The following TTLL5 variants were observed in gnomAD, a reference collection of about 807,000 sequenced individuals.
TTLL5 encodes the protein tubulin tyrosine ligase like 5.
In TTLL5, 132 loss-of-function variants were observed where a neutral mutation model predicts 168.4. The ratio of observed to expected loss-of-function variants is 0.78; its 90% CI spans 0.68 to 0.91. The LOEUF (loss-of-function observed/expected upper bound fraction) is 0.91, where lower values mean the gene tolerates loss of function less well. TTLL5 is among the 40% of genes least tolerant of loss of function. TTLL5 has a pLI of 0.00. For synonymous variants in TTLL5, 546 were observed against 558.6 expected (o/e 0.98, Z 0.32); for missense variants, 1,545 against 1,581.5 (o/e 0.98, Z 0.39).
intron 28 of TTLL5, among the ~76,000 whole-genome samples, chr14:75,826,746 T>G (rs990719425): frequency 1.3e-5 from 2 of 152,212 alleles, no homozygotes; most frequent in African/African-American, 2.4e-5. Context: ...TTCTGTCCCT[T>G]CAAGTTAACT....
chr14:75,851,664 C>T (rs771042349), intron 28 of TTLL5, among the ~76,000 whole-genome samples: 7 of 152,164 alleles, frequency 4.6e-5, no homozygotes, highest in African/African-American at 1.7e-4. Flanking sequence ...CAGGGGCCAC[C>T]GTGCAGCCGC....
intron 7 of TTLL5, among the ~76,000 whole-genome samples, chr14:75,704,347 T>G (rs1408856301): frequency 2.0e-4 from 31 of 152,168 alleles, no homozygotes. Flanking sequence ...GAGACCAGCC[T>G]GGGCAACATG....
intron 3 of TTLL5, among the ~76,000 whole-genome samples, chr14:75,675,462 C>T (rs965908646): frequency 4.6e-5 from 7 of 152,088 alleles, no homozygotes; most frequent in African/African-American, 1.7e-4. Flanking sequence ...TGCTAGGGGT[C>T]CTAGCACTTC....
Position 75,783,334 on chromosome 14 carries a change from C to A in TTLL5, c.2790C>A (p.His930Gln). 1 of 1,614,172 alleles carries A rather than the reference C, an allele frequency of 6.2e-7. No individual in the cohort carries two copies. The highest frequency in any genetic ancestry group is 8.5e-7 in the Non-Finnish European group (1 of 1,180,024). ...QIPSAIPSMPHQPTILLNTVS... is the reference protein window; with the variant it reads ...QIPSAIPSMPQQPTILLNTVS... ...CTTCAGCTATCCCCAGCATGCCTCACCAGCCAACAATTTTACTGAACACAG... is the reference window on the plus strand; with the variant it reads ...CTTCAGCTATCCCCAGCATGCCTCAACAGCCAACAATTTTACTGAACACAG... The change falls in exon 26 of 32, where the codon CAC becomes CAA. Residue 930 changes from histidine (H) to glutamine (Q), a missense_variant. Transcript: ENST00000298832.
intron 28 of TTLL5, among the ~76,000 whole-genome samples, chr14:75,851,664 C>G (rs771042349): frequency 3.3e-5 from 5 of 152,164 alleles, no homozygotes; most frequent in Non-Finnish European, 1.5e-5. Context: ...CAGGGGCCAC[C>G]GTGCAGCCGC....
At chr14:75,744,842 T>A (rs1212093373) in intron 15 of TTLL5, 6 of 263,600 alleles carry the variant, frequency 2.3e-5, no homozygotes, top group Non-Finnish European at 3.7e-5. Flanking sequence ...GACCTCATTC[T>A]TTCTTTCTTC....
At chr14:75,746,358 C>A (rs1360525455) in intron 17 of TTLL5, among the ~76,000 whole-genome samples, 1 of 152,150 alleles carries the variant, frequency 6.6e-6, no homozygotes, top group Admixed American at 6.5e-5. Context: ...CAGTTATGGT[C>A]TCTTTTGAAG....
chr14:75,887,681 C>T (rs1595210990), intron 30 of TTLL5, among the ~76,000 whole-genome samples: 1 of 152,334 alleles, frequency 6.6e-6, no homozygotes, highest in East Asian at 1.9e-4. Flanking sequence ...CTTCCCCCTA[C>T]ATCACTGATT....
At chr14:75,719,666 TG>T in intron 10 of TTLL5, 68 bp from the exon 11 acceptor site, 1 of 1,350,024 alleles carries the variant, frequency 7.4e-7, no homozygotes, top group Non-Finnish European at 9.9e-7. Flanking sequence ...GAAGGCTATT[TG>T]CAAAGAGTCT....
At chr14:75,812,144 C>T (rs937459328) in intron 27 of TTLL5, among the ~76,000 whole-genome samples, 10 of 152,098 alleles carry the variant, frequency 6.6e-5, no homozygotes, top group African/African-American at 1.4e-4. Flanking sequence ...CTGAGGTCAC[C>T]GTGGCAATGG....
intron 31 of TTLL5, among the ~76,000 whole-genome samples, chr14:75,933,598 A>G (rs751489552): frequency 2.0e-5 from 3 of 152,198 alleles, no homozygotes; most frequent in Non-Finnish European, 4.4e-5. Flanking sequence ...CATTGGAAGG[A>G]TAAACTGGTG....
At chr14:75,791,725 A>C (rs1892740695) in intron 26 of TTLL5, among the ~76,000 whole-genome samples, 1 of 152,176 alleles carries the variant, frequency 6.6e-6, no homozygotes. Flanking sequence ...TATGTACTAA[A>C]TAATATAGTA....
At chr14:75,782,276 C>G (rs1892105943) in intron 24 of TTLL5, among the ~76,000 whole-genome samples, 1 of 152,034 alleles carries the variant, frequency 6.6e-6, no homozygotes, top group African/African-American at 2.4e-5. Context: ...TTAACTGTAG[C>G]TGGGATTGGG....
rs1885354185 is a variant in TTLL5, at chr14:75,690,252, A to G, written c.432A>G (p.Thr144=). ...AAAACATTATTCGAATGCAGCATAC[A>G]CATGGATTCAAGGCTTTTCACATCC... ...LYKNIIRMQH[T]HGFKAFHILP... The change falls in exon 6 of 32, where the codon ACA becomes ACG. Residue 144 remains threonine, a synonymous_variant. Coordinates refer to ENST00000298832, the MANE Select transcript of TTLL5 (RefSeq NM_015072.5). 6.2e-7 allele frequency: 1 copy of G among 1,612,698 alleles called. No homozygotes were observed. Among genetic ancestry groups the G allele is most frequent in the Non-Finnish European group, 8.5e-7 (1 of 1,179,396 alleles).
At chr14:75,850,624 A>G (rs1422527918) in intron 28 of TTLL5, among the ~76,000 whole-genome samples, 3 of 152,108 alleles carry the variant, frequency 2.0e-5, no homozygotes, top group Non-Finnish European at 4.4e-5. Flanking sequence ...GATAACATGA[A>G]GTAGGAATTC....
rs1883924921 is a variant in TTLL5 at position 75,673,728 on chromosome 14, TTG to T, written c.181+4208_181+4209del. ...GATCTACTCTACTTGTAAATGACTT[TTG>T]TCTTGTCCCTTAATAAGTCAGGAGT... On this transcript the variant is annotated intron_variant, in intron 3 of 31. Coordinates refer to ENST00000298832, the MANE Select transcript of TTLL5 (RefSeq NM_015072.5). 2.6e-5 allele frequency among the ~76,000 whole-genome samples: 4 copies of T among 152,314 alleles called. No homozygotes were observed. The South Asian group carries it at 8.3e-4, about 32-fold the overall frequency.
At chr14:75,675,052 A>G (rs1884033505) in intron 3 of TTLL5, among the ~76,000 whole-genome samples, 1 of 152,336 alleles carries the variant, frequency 6.6e-6, no homozygotes, top group East Asian at 1.9e-4. Context: ...GTAAATTCAT[A>G]TACTCAATTG....
At chr14:75,920,977 G>A (rs1261008444) in intron 31 of TTLL5, among the ~76,000 whole-genome samples, 1 of 152,184 alleles carries the variant, frequency 6.6e-6, no homozygotes, top group Non-Finnish European at 1.5e-5. Context: ...GATGACCAGT[G>A]ATGATGAGCA....
At chr14:75,692,350 A>T (rs1311894496) in intron 6 of TTLL5, among the ~76,000 whole-genome samples, 2 of 152,120 alleles carry the variant, frequency 1.3e-5, no homozygotes, top group Non-Finnish European at 2.9e-5. Flanking sequence ...ACTATGTTTT[A>T]CTATTTTATT....
Sources: gnomAD v4.1 joint callset for allele counts (sites outside exome capture counted in the v4.1 genomes callset) on GRCh38, gnomAD v4.1.1 for gene constraint, MANE v1.5 for transcripts, NCBI Gene and HGNC (gene_info 2026-07-23, HGNC 2026-07-21) for gene names.